The following KMT2A variants were observed in gnomAD, a reference collection of about 807,000 sequenced individuals.
KMT2A encodes histone-lysine N-methyltransferase 2A.
Under a neutral mutation model 345.3 loss-of-function variants are expected in KMT2A, and 16 were observed. The ratio of observed to expected loss-of-function variants is 0.05; its 90% CI spans 0.03 to 0.07. The LOEUF is 0.07. KMT2A is among the 10% of genes least tolerant of loss of function. The pLI, the probability that KMT2A is intolerant of heterozygous loss-of-function variation, is 1.00. For missense variants in KMT2A, 3,272 were observed against 4,841.6 expected (o/e 0.68, Z 9.62); for synonymous variants, 1,599 against 1,778.6 (o/e 0.90, Z 2.54).
rs552743834 is a variant in KMT2A at position 118,474,899 on chromosome 11, C to T, written c.3156+584C>T. 1.6e-3 allele frequency among the ~76,000 whole-genome samples: 240 copies of T among 151,360 alleles called. 1 individual carries two copies. The highest frequency in any genetic ancestry group is 5.5e-3 in the African/African-American group (227 of 41,226). The stretch of plus-strand genomic sequence containing the variant: ...CATCACTTTGGGAGGCCAAGGTGGG[C>T]GGATCACTTGAGGTCAGGAGTTTGA... On this transcript the variant is annotated intron_variant, in intron 3 of 35. Transcript: ENST00000534358.
At chr11:118,439,158 C>CAAAAAAAAAAAAAAGAAAAAA in intron 1 of KMT2A, 1 of 265,450 alleles carries the variant, frequency 3.8e-6, no homozygotes, top group South Asian at 2.5e-5. Context: ...GATACAGCAG[C>CAAAAAAAAAAAAAAGAAAAAA]AAAAAAAAAA....
Position 118,510,125 on chromosome 11 carries a change from G to A in KMT2A, c.11071+7G>A, listed in dbSNP as rs374335124. ...TGTGCAGAAAGTATTGAAGGTGAGT[G>A]GATTAAATCAGGTTGACCCATCAGC... is the stretch of plus-strand genomic sequence containing the variant. On this transcript the variant is annotated splice_region_variant and intron_variant, in intron 30 of 35. Transcript: ENST00000534358. This position sits in a 1 kb window ranked among gnomAD's most constrained non-coding sequence, Gnocchi z 4.1. 1.1e-5 allele frequency: 17 copies of A among 1,592,444 alleles called. No individual in the cohort carries two copies. The highest frequency in any genetic ancestry group is 1.3e-5 in the Non-Finnish European group (15 of 1,166,046).
In KMT2A at chr11:118,504,519, A is replaced by C. The variant is rs1950550572; in HGVS notation, c.8627A>C (p.Glu2876Ala). The C allele has an allele frequency of 1.9e-6, 3 of 1,614,006 alleles. No individual in the cohort carries two copies. The highest frequency in any genetic ancestry group is 2.5e-6 in the Non-Finnish European group (3 of 1,179,990). ...GAGAGCCCAGAGTCATCTTCATCAGAACTCCTGAATCTTGGTGAAGGATTG... is the reference window on the plus strand; with the variant it reads ...GAGAGCCCAGAGTCATCTTCATCAGCACTCCTGAATCTTGGTGAAGGATTG... The part of the protein sequence containing the change: ...LGESPESSSS[E>A]LLNLGEGLGL... The change falls in exon 27 of 36, where the codon GAA (glutamate) becomes GCA (alanine). Residue 2876 changes from glutamate to alanine, a missense_variant. Coordinates refer to ENST00000534358, the MANE Select transcript of KMT2A (RefSeq NM_001197104.2). This position sits in a 1 kb window ranked among gnomAD's most constrained non-coding sequence, Gnocchi z 6.4.
rs1305800383 is a variant in KMT2A at position 118,524,526 on chromosome 11, GTCA to G, written c.*2359_*2361del. 1 of 183,414 alleles carries G rather than the reference GTCA, an allele frequency of 5.5e-6. No homozygotes were observed. Among genetic ancestry groups the G allele is most frequent in the Non-Finnish European group, 1.2e-5 (1 of 86,006 alleles). The allele number at this position is 183,414 out of a possible 1,614,324, so 11.4% of individuals were successfully genotyped here. A position where few individuals can be genotyped will look rare whatever the true frequency, so the allele number is the denominator to read the frequency against. On this transcript the variant is annotated 3_prime_UTR_variant, in exon 36 of 36. Transcript: ENST00000534358. ...TGGCCAGGATGGCAGAGACTTCCTT[GTCA>G]TCATGGAGAAGTGCCAGCAGGGGAC...
chr11:118,481,890 G>C lies in KMT2A; in HGVS notation c.3810G>C (p.Lys1270Asn), dbSNP rs782220474. Residue 1270 changes from lysine to asparagine, a missense_variant, in exon 7 of 36, where the codon AAG (lysine) becomes AAC (asparagine). Transcript: ENST00000534358. ...EPPPRKPVEE[K>N]SEEGNVSAPG... ...CTCCACGAAAGCCCGTCGAGGAAAA[G>C]AGTGAAGAAGGGAATGTCTCGGCCC... 1.9e-6 allele frequency: 3 copies of C among 1,614,228 alleles called. No homozygotes were observed. The highest frequency in any genetic ancestry group is 1.1e-5 in the South Asian group (1 of 91,086).
At chr11:118,483,182 G>A (rs1950167742) in intron 8 of KMT2A, among the ~76,000 whole-genome samples, 1 of 149,120 alleles carries the variant, frequency 6.7e-6, no homozygotes, top group African/African-American at 2.5e-5. Context: ...GCAGTGAGCC[G>A]AGATTGCATC....
intron 15 of KMT2A, among the ~76,000 whole-genome samples, 175 bp from the exon 16 acceptor site, chr11:118,492,882 C>T (rs558767603): frequency 6.6e-6 from 1 of 152,336 alleles, no homozygotes; most frequent in African/African-American, 2.4e-5. Context: ...TAAGCTATTA[C>T]ATAACAGTCT....
In KMT2A at chr11:118,519,746, C is replaced by T. The variant is rs1950915870; in HGVS notation, c.11275C>T (p.Pro3759Ser). The T allele has an allele frequency of 6.2e-7, 1 of 1,614,122 alleles. No homozygotes were observed. ...CCACAAGCCAGAGGAGGCCAATGAA[C>T]CCCCCTTGAACCCTCACGGCTCAGC... Reference protein sequence around the residue: ...RFHKPEEANEPPLNPHGSARA... With the variant: ...RFHKPEEANESPLNPHGSARA... The change falls in exon 32 of 36, where the codon CCC (proline) becomes TCC (serine). Residue 3759 changes from proline (P) to serine (S), a missense_variant. By Grantham distance (74) the Pro-to-Ser change is moderately conservative. Coordinates refer to ENST00000534358, the MANE Select transcript of KMT2A (RefSeq NM_001197104.2).
At position 118,502,588 on chromosome 11, in the gene KMT2A, C is replaced by T; in HGVS notation, c.6696C>T (p.Thr2232=). ...YSRNNVSSVS[T]TGTATDLESS... ...GGAATAATGTTTCCTCAGTCTCCAC[C>T]ACCGGGACCGCTACTGATCTTGAAT... Residue 2232 remains threonine (T), a synonymous_variant, in exon 27 of 36, where the codon ACC becomes ACT. Coordinates refer to ENST00000534358, the MANE Select transcript of KMT2A (RefSeq NM_001197104.2). The surrounding 1 kb of genome is among the most constrained non-coding windows in gnomAD (Gnocchi z 4.9). The T allele has an allele frequency of 6.2e-7, 1 of 1,614,110 alleles. No individual in the cohort carries two copies. The highest frequency in any genetic ancestry group is 8.5e-7 in the Non-Finnish European group (1 of 1,180,000).
chr11:118,462,855 C>G (rs956818997), intron 1 of KMT2A, among the ~76,000 whole-genome samples: 1 of 152,218 alleles, frequency 6.6e-6, no homozygotes, highest in African/African-American at 2.4e-5. Flanking sequence ...AGCCACTGCA[C>G]CCGGCCTGAC....
At chr11:118,468,900 G>A in intron 2 of KMT2A, 56 bp downstream of exon 2, 1 of 1,372,168 alleles carries the variant, frequency 7.3e-7, no homozygotes, top group East Asian at 2.3e-5. Flanking sequence ...GGAGATTGTG[G>A]CTTCCTCTTG....
In KMT2A at chr11:118,497,853, T is replaced by C. The variant is rs1426637634; in HGVS notation, c.5665-83T>C. On this transcript the variant is annotated intron_variant, in intron 20 of 35. Transcript: ENST00000534358. The surrounding 1 kb of genome is among the most constrained non-coding windows in gnomAD (Gnocchi z 4.8). ...AATTATAGTTGCTTTCTTGAGGTTA[T>C]CTTCACTGGAAAAGCTAATGCCGAG... The C allele has an allele frequency of 1.1e-5, 12 of 1,060,526 alleles. No homozygotes were observed. In the African/African-American group the frequency reaches 1.7e-4, roughly 15 times the overall value. 65.7% of individuals were successfully genotyped at this position (1,060,526 alleles called of 1,614,324 possible).
At chr11:118,439,158 C>CAAAAAAAAAAAAAAAAA in intron 1 of KMT2A, 2 of 265,450 alleles carry the variant, frequency 7.5e-6, no homozygotes, top group Non-Finnish European at 1.5e-5. Flanking sequence ...GATACAGCAG[C>CAAAAAAAAAAAAAAAAA]AAAAAAAAAA....
Position 118,490,024 on chromosome 11 carries a change from A to T in KMT2A, c.4576-105A>T. 7.0e-7 allele frequency: 1 copy of T among 1,438,104 alleles called. No homozygotes were observed. Among genetic ancestry groups the T allele is most frequent in the South Asian group, 1.2e-5 (1 of 80,352 alleles). The allele number at this position is 1,438,104 out of a possible 1,614,324, so 89.1% of individuals were successfully genotyped here. A position where few individuals can be genotyped will look rare whatever the true frequency, so the allele number is the denominator to read the frequency against. On this transcript the variant is annotated intron_variant, in intron 12 of 35. Transcript: ENST00000534358. The surrounding 1 kb of genome is among the most constrained non-coding windows in gnomAD (Gnocchi z 4.2). ...TGCCTCATTACTAGGAAATCATCTC[A>T]GCAGAGAAATTAAATCTATAAATGG...
In KMT2A at chr11:118,503,548, A is replaced by T; in HGVS notation, c.7656A>T (p.Gln2552His). 1.2e-6 allele frequency: 2 copies of T among 1,614,168 alleles called. No homozygotes were observed. The highest frequency in any genetic ancestry group is 1.7e-6 in the Non-Finnish European group (2 of 1,180,012). ...LKESSPASPL[Q>H]IESTSPTEPI... Reference sequence around the variant, plus strand: ...AAAGTAGTCCTGCTTCCCCTTTGCAAATAGAGTCAACATCTCCCACAGAAC... The same window carrying T: ...AAAGTAGTCCTGCTTCCCCTTTGCATATAGAGTCAACATCTCCCACAGAAC... The change falls in exon 27 of 36, where the codon CAA becomes CAT. Residue 2552 changes from glutamine to histidine, a missense_variant. Gln to His is a conservative substitution (Grantham distance 24, BLOSUM62 0). Around this residue, in one of 27 missense-constraint regions of KMT2A, gnomAD observed 445 missense variants for 500.9 expected, o/e 0.89. Transcript: ENST00000534358. This position sits in a 1 kb window ranked among gnomAD's most constrained non-coding sequence, Gnocchi z 5.3.
chr11:118,520,678 T>A lies in KMT2A; in HGVS notation c.11430-124T>A. The A allele has an allele frequency of 1.4e-6, 1 of 691,278 alleles. No individual in the cohort carries two copies. The highest frequency in any genetic ancestry group is 2.5e-6 in the Non-Finnish European group (1 of 397,738). The allele number at this position is 691,278 out of a possible 1,614,324, so 42.8% of individuals were successfully genotyped here. On this transcript the variant is annotated intron_variant, in intron 33 of 35. Coordinates refer to ENST00000534358, the MANE Select transcript of KMT2A (RefSeq NM_001197104.2). This position sits in a 1 kb window ranked among gnomAD's most constrained non-coding sequence, Gnocchi z 4.3. ...AAAAAAAAGGGGGGCGCTCATTTTA[T>A]AAGGCACTCGTTCAGTTTGGCATTA...
chr11:118,485,944 G>A (rs1328273294), intron 10 of KMT2A, among the ~76,000 whole-genome samples: 1 of 152,186 alleles, frequency 6.6e-6, no homozygotes, highest in African/African-American at 2.4e-5. Context: ...TTAGCCGGGT[G>A]TGGTGGCGGG....
Position 118,495,904 on chromosome 11 carries a change from A to T in KMT2A, c.5557+11A>T. On this transcript the variant is annotated intron_variant, in intron 19 of 35. Transcript: ENST00000534358. This position sits in a 1 kb window ranked among gnomAD's most constrained non-coding sequence, Gnocchi z 4.1. ...CACCACCAATTTTGAGTAAGCCACC[A>T]AAAGGAGAGTCGTCACCCATTTCCC... 6.3e-7 allele frequency: 1 copy of T among 1,592,088 alleles called. No homozygotes were observed. The highest frequency in any genetic ancestry group is 8.6e-7 in the Non-Finnish European group (1 of 1,166,778).
rs1267880124 is a variant in KMT2A, at chr11:118,526,140, T to TG, written c.*3974dup. ...GCTCACTTTCCTCTGATTCCCGAAATGGGGGGAACCTCTAACCATAAAGGA... is the reference window on the plus strand; with the variant it reads ...GCTCACTTTCCTCTGATTCCCGAAATGGGGGGGAACCTCTAACCATAAAGGA... On this transcript the variant is annotated 3_prime_UTR_variant, in exon 36 of 36. Transcript: ENST00000534358. 2 of 217,524 alleles carry TG rather than the reference T, an allele frequency of 9.2e-6. No individual in the cohort carries two copies. Among genetic ancestry groups the TG allele is most frequent in the African/African-American group, 2.2e-5 (1 of 44,500 alleles). 13.5% of individuals were successfully genotyped at this position (217,524 alleles called of 1,614,324 possible). A position where few individuals can be genotyped will look rare whatever the true frequency, so the allele number is the denominator to read the frequency against.
Sources: allele counts gnomAD v4.1 joint callset (sites outside exome capture counted in the v4.1 genomes callset), GRCh38; gene constraint gnomAD v4.1.1; regional missense constraint gnomAD v4.1.1; non-coding constraint Gnocchi (gnomAD v3.1); transcripts MANE v1.5; gene names NCBI Gene and HGNC (gene_info 2026-07-23, HGNC 2026-07-21).